Variants in TMEM52 observed in about 807,000 individuals in gnomAD.
The protein encoded by TMEM52 is transmembrane protein 52.
Under a neutral mutation model 16.2 loss-of-function variants are expected in TMEM52, and 14 were observed. The observed-to-expected ratio is 0.87, with a 90% CI of 0.57 to 1.35. The LOEUF is 1.35. Ranked by LOEUF, TMEM52 falls within the 40% of genes most tolerant of loss-of-function variation. TMEM52 has a pLI of 0.00. For synonymous variants in TMEM52, 136 were observed against 124.7 expected, an observed-to-expected ratio of 1.09 and a Z score of -0.60; for missense variants, 309 against 278.6, an observed-to-expected ratio of 1.11 and a Z score of -0.78.
At position 1,918,391 on chromosome 1, in the gene TMEM52, C is replaced by A; in HGVS notation, c.211G>T (p.Val71Phe). Residue 71 changes from valine to phenylalanine, a missense_variant, in exon 4 of 5, where the codon GTC becomes TTC. Coordinates refer to ENST00000310991, the MANE Select transcript of TMEM52 (RefSeq NM_178545.4). ...CAGAACCGGACACAACCAGCTGTGA[C>A]ACCACACAGCAGAAGCAGGAGGACC... ...LAVLLLLLCG[V>F]TAGCVRFCCL... is the part of the protein sequence containing the mutation. 1 of 1,612,690 alleles carries A rather than the reference C, an allele frequency of 6.2e-7. No homozygotes were observed.
chr1:1,919,073 C>G lies in TMEM52; in HGVS notation c.100G>C (p.Ala34Pro). Reference sequence around the variant, plus strand: ...TCCGAGGGGTCGCAGCTGCCGTCCGCGAAGCCCAGCGCCACCTGTGGGGAC... The same window carrying G: ...TCCGAGGGGTCGCAGCTGCCGTCCGGGAAGCCCAGCGCCACCTGTGGGGAC... ...LPLPQVALGF[A>P]DGSCDPSDQC... Residue 34 changes from alanine to proline, a missense_variant, in exon 2 of 5, where the codon GCG (alanine) becomes CCG (proline). By Grantham distance (27) the Ala-to-Pro change is conservative. Coordinates refer to ENST00000310991, the MANE Select transcript of TMEM52 (RefSeq NM_178545.4). The G allele has an allele frequency of 7.5e-7, 1 of 1,338,794 alleles. No individual in the cohort carries two copies. The allele number at this position is 1,338,794 out of a possible 1,614,324, so 82.9% of individuals were successfully genotyped here. A position where few individuals can be genotyped will look rare whatever the true frequency, so the allele number is the denominator to read the frequency against.
In TMEM52 at chr1:1,918,878, G is replaced by A; in HGVS notation, c.170+15C>T. 6.8e-7 allele frequency: 1 copy of A among 1,462,788 alleles called. No individual in the cohort carries two copies. The highest frequency in any genetic ancestry group is 1.4e-5 in the South Asian group (1 of 71,932). The allele number at this position is 1,462,788 out of a possible 1,614,324, so 90.6% of individuals were successfully genotyped here. A position where few individuals can be genotyped will look rare whatever the true frequency, so the allele number is the denominator to read the frequency against. On this transcript the variant is annotated intron_variant, in intron 3 of 4. Transcript: ENST00000310991. ...GAACCGTCGGACGCACGGCTCCGCC[G>A]CGGCCTCCACTTACCCCACGTGCCA... is the stretch of plus-strand genomic sequence containing the variant.
chr1:1,918,580 C>T, intron 3 of TMEM52, 149 bp from the exon 4 acceptor site: 1 of 833,342 alleles, frequency 1.2e-6, no homozygotes, highest in Admixed American at 2.0e-5. Context: ...GTGGCCAGAG[C>T]CTGGCCTCGG....
chr1:1,918,615 T>C lies in TMEM52; in HGVS notation c.171-184A>G, dbSNP rs1651234019. 6 of 737,332 alleles carry C rather than the reference T, an allele frequency of 8.1e-6. No homozygotes were observed. In the South Asian group the frequency reaches 9.5e-5, roughly 12 times the overall value. 45.7% of individuals were successfully genotyped at this position (737,332 alleles called of 1,614,324 possible). On this transcript the variant is annotated intron_variant, in intron 3 of 4. Coordinates refer to ENST00000310991, the MANE Select transcript of TMEM52 (RefSeq NM_178545.4). Reference sequence around the variant, plus strand: ...GGCTGCTGGGCCTGCCCTGGCTATCTCTCCTGGGCTGGCCAGGGGTGGCCT... The same window carrying C: ...GGCTGCTGGGCCTGCCCTGGCTATCCCTCCTGGGCTGGCCAGGGGTGGCCT...
chr1:1,918,006 T>C lies in TMEM52; in HGVS notation c.506A>G (p.Glu169Gly). 6.2e-7 allele frequency: 1 copy of C among 1,613,928 alleles called. No individual in the cohort carries two copies. The highest frequency in any genetic ancestry group is 8.5e-7 in the Non-Finnish European group (1 of 1,179,990). Reference sequence around the variant, plus strand: ...GGGTTTCTGGGAGAGTGCTGGTCCTTCCTCTCTGGGCTTGGCCATCTTGAC... The same window carrying C: ...GGGTTTCTGGGAGAGTGCTGGTCCTCCCTCTCTGGGCTTGGCCATCTTGAC... ...EAVKMAKPRE[E>G]GPALSQKPSP... Residue 169 changes from glutamate to glycine, a missense_variant, in exon 5 of 5, where the codon GAA (glutamate) becomes GGA (glycine). Transcript: ENST00000310991.
At chr1:1,918,975 C>A in intron 2 of TMEM52, 41 bp from the exon 3 acceptor site, 1 of 1,347,964 alleles carries the variant, frequency 7.4e-7, no homozygotes, top group Non-Finnish European at 9.5e-7. Context: ...GGGCATGGGA[C>A]GGCCGACCTC....
chr1:1,919,178 C>A lies in TMEM52; in HGVS notation c.84+4G>T, dbSNP rs1327470452. 7 of 1,370,526 alleles carry A rather than the reference C, an allele frequency of 5.1e-6. No individual in the cohort carries two copies. The highest frequency in any genetic ancestry group is 6.5e-6 in the Non-Finnish European group (7 of 1,070,050). 84.9% of individuals were successfully genotyped at this position (1,370,526 alleles called of 1,614,324 possible). On this transcript the variant is annotated splice_donor_region_variant and intron_variant, in intron 1 of 4. Coordinates refer to ENST00000310991, the MANE Select transcript of TMEM52 (RefSeq NM_178545.4). ...GAACCGAGAGAGAACGCCGCCCGACCCACCTGCGGCAGCGGCAGGAGCGGC... is the reference window on the plus strand; with the variant it reads ...GAACCGAGAGAGAACGCCGCCCGACACACCTGCGGCAGCGGCAGGAGCGGC...
At position 1,918,278 on chromosome 1, in the gene TMEM52, G is replaced by C. The variant is rs143409435; in HGVS notation, c.324C>G (p.Asp108Glu). Residue 108 changes from aspartate (D) to glutamate (E), a missense_variant, in exon 4 of 5, where the codon GAC (aspartate) becomes GAG (glutamate). Transcript: ENST00000310991. ...AGGTCACAGTGCTGTGTACAGGGCT[G>C]TCACTGTCCATAGGGATGACTGCCA... The part of the protein sequence containing the change: ...CDVAVIPMDS[D>E]SPVHSTVTSY... 8 of 1,612,712 alleles carry C rather than the reference G, an allele frequency of 5.0e-6. No individual in the cohort carries two copies. In the African/African-American group the frequency reaches 1.1e-4, roughly 22 times the overall value.
Position 1,919,162 on chromosome 1 carries a change from G to A in TMEM52, c.84+20C>T, listed in dbSNP as rs1651255659. 1.5e-6 allele frequency: 2 copies of A among 1,368,288 alleles called. No individual in the cohort carries two copies. The highest frequency in any genetic ancestry group is 6.0e-5 in the East Asian group (2 of 33,168). The allele number at this position is 1,368,288 out of a possible 1,614,324, so 84.8% of individuals were successfully genotyped here. ...CCGCCCCGCGGTGGCCGAACCGAGA[G>A]AGAACGCCGCCCGACCCACCTGCGG... On this transcript the variant is annotated intron_variant, in intron 1 of 4. Coordinates refer to ENST00000310991, the MANE Select transcript of TMEM52 (RefSeq NM_178545.4).
Position 1,918,081 on chromosome 1 carries a change from G to A in TMEM52, c.431C>T (p.Pro144Leu). ...GELDLDSMAP[P>L]AYSLYTPEPP... ...CTCCGGGGTGTACAGGCTGTAGGCAGGAGGAGCCATGGAGTCCAGGTCCAG... is the reference window on the plus strand; with the variant it reads ...CTCCGGGGTGTACAGGCTGTAGGCAAGAGGAGCCATGGAGTCCAGGTCCAG... Residue 144 changes from proline (P) to leucine (L), a missense_variant, in exon 5 of 5, where the codon CCT (proline) becomes CTT (leucine). Coordinates refer to ENST00000310991, the MANE Select transcript of TMEM52 (RefSeq NM_178545.4). 1 of 1,613,266 alleles carries A rather than the reference G, an allele frequency of 6.2e-7. No individual in the cohort carries two copies. The highest frequency in any genetic ancestry group is 8.5e-7 in the Non-Finnish European group (1 of 1,179,714).
rs1273418792 is a variant in TMEM52 at position 1,917,973 on chromosome 1, A to C, written c.539T>G (p.Leu180Arg). The change falls in exon 5 of 5, where the codon CTC (leucine) becomes CGC (arginine). Residue 180 changes from leucine (L) to arginine (R), a missense_variant. Coordinates refer to ENST00000310991, the MANE Select transcript of TMEM52 (RefSeq NM_178545.4). ...GPALSQKPSP[L>R]LGASGLETTP... is the part of the protein sequence containing the mutation. ...GGTCTCTAGGCCCGAGGCCCCAAGG[A>C]GAGGGCTGGGTTTCTGGGAGAGTGC... The C allele has an allele frequency of 1.2e-6, 2 of 1,613,746 alleles. No individual in the cohort carries two copies. Among genetic ancestry groups the C allele is most frequent in the Admixed American group, 3.3e-5 (2 of 60,004 alleles).
chr1:1,918,841 A>AC (rs1395465884), intron 3 of TMEM52, 52 bp downstream of exon 3: 59 of 1,484,002 alleles, frequency 4.0e-5, no homozygotes, highest in Non-Finnish European at 4.9e-5. Flanking sequence ...GGCCCCGGTG[A>AC]CCCCCGCCCC....
At chr1:1,918,543 C>A (rs1198973739) in intron 3 of TMEM52, 112 bp from the exon 4 acceptor site, 1 of 990,614 alleles carries the variant, frequency 1.0e-6, no homozygotes, top group Non-Finnish European at 1.6e-6. Context: ...AAAAAGCAGA[C>A]AATGTCTCTC....
In TMEM52 at chr1:1,919,232, G is replaced by A; in HGVS notation, c.34C>T (p.Arg12Trp). Reference sequence around the variant, plus strand: ...AGCGGCAGGAGCGGCAGCAGCAGCCGCAGTCCGCGGGCGGCCAGCGGCCCC... The same window carrying A: ...AGCGGCAGGAGCGGCAGCAGCAGCCACAGTCCGCGGGCGGCCAGCGGCCCC... ...ARGPLAARGL[R>W]LLLPLLPLLP... is the part of the protein sequence containing the mutation. The change falls in exon 1 of 5, where the codon CGG (arginine) becomes TGG (tryptophan). Residue 12 changes from arginine (R) to tryptophan (W), a missense_variant. Physicochemically the swap from Arg to Trp is moderately radical, Grantham distance 101 (BLOSUM62 -3). Transcript: ENST00000310991. The A allele has an allele frequency of 1.5e-6, 2 of 1,366,114 alleles. No individual in the cohort carries two copies. The highest frequency in any genetic ancestry group is 1.7e-5 in the South Asian group (1 of 58,480). The allele number at this position is 1,366,114 out of a possible 1,614,324, so 84.6% of individuals were successfully genotyped here.
Position 1,919,272 on chromosome 1 carries a change from A to G in TMEM52, c.-7T>C. On this transcript the variant is annotated 5_prime_UTR_variant, in exon 1 of 5. Transcript: ENST00000310991. The stretch of plus-strand genomic sequence containing the variant: ...CCAGCGGCCCCCGGGCCATGCTCTG[A>G]GGAGGTTGGAGCAAAGCCCGGCGGC... 7.2e-7 allele frequency: 1 copy of G among 1,381,578 alleles called. No individual in the cohort carries two copies. Among genetic ancestry groups the G allele is most frequent in the Non-Finnish European group, 9.3e-7 (1 of 1,077,814 alleles). 85.6% of individuals were successfully genotyped at this position (1,381,578 alleles called of 1,614,324 possible).
At chr1:1,918,810 A>C (rs976435789) in intron 3 of TMEM52, 83 bp downstream of exon 3, 1 of 1,435,944 alleles carries the variant, frequency 7.0e-7, no homozygotes, top group Non-Finnish European at 9.2e-7. Context: ...CGGCCTGGTG[A>C]GGTAAGGGCC....
At position 1,918,040 on chromosome 1, in the gene TMEM52, C is replaced by G; in HGVS notation, c.472G>C (p.Asp158His). The G allele has an allele frequency of 6.2e-7, 1 of 1,613,852 alleles. No individual in the cohort carries two copies. The highest frequency in any genetic ancestry group is 8.5e-7 in the Non-Finnish European group (1 of 1,179,988). The change falls in exon 5 of 5, where the codon GAT becomes CAT. Residue 158 changes from aspartate to histidine, a missense_variant. Asp to His is a moderately conservative substitution (Grantham distance 81, BLOSUM62 -1). Coordinates refer to ENST00000310991, the MANE Select transcript of TMEM52 (RefSeq NM_178545.4). ...LYTPEPPPSY[D>H]EAVKMAKPRE... is the part of the protein sequence containing the mutation. ...GGCTTGGCCATCTTGACAGCTTCAT[C>G]GTAGGAGGGTGGAGGCTCCGGGGTG... is the stretch of plus-strand genomic sequence containing the variant.
Position 1,918,084 on chromosome 1 carries a change from G to C in TMEM52, c.428C>G (p.Pro143Arg). Residue 143 changes from proline (P) to arginine (R), a missense_variant, in exon 5 of 5, where the codon CCT (proline) becomes CGT (arginine). Transcript: ENST00000310991. The stretch of plus-strand genomic sequence containing the variant: ...CGGGGTGTACAGGCTGTAGGCAGGA[G>C]GAGCCATGGAGTCCAGGTCCAGCTC... ...FGELDLDSMA[P>R]PAYSLYTPEP... The C allele has an allele frequency of 1.2e-6, 2 of 1,613,196 alleles. No homozygotes were observed. Among genetic ancestry groups the C allele is most frequent in the Non-Finnish European group, 1.7e-6 (2 of 1,179,708 alleles).
In TMEM52 at chr1:1,917,858, C is replaced by T; in HGVS notation, c.*24G>A. 2.5e-6 allele frequency: 4 copies of T among 1,605,422 alleles called. No individual in the cohort carries two copies. The highest frequency in any genetic ancestry group is 1.7e-5 in the Admixed American group (1 of 59,488). On this transcript the variant is annotated 3_prime_UTR_variant, in exon 5 of 5. Coordinates refer to ENST00000310991, the MANE Select transcript of TMEM52 (RefSeq NM_178545.4). The stretch of plus-strand genomic sequence containing the variant: ...TGGCTCCAAGCATTAGTTCTCCAAG[C>T]TCTGGTCCGTTCTCCTACCTCCTTC...
Sources: allele counts gnomAD v4.1 joint callset, GRCh38; gene constraint gnomAD v4.1.1; transcripts MANE v1.5; gene names NCBI Gene and HGNC (gene_info 2026-07-23, HGNC 2026-07-21).